The following GABRB2 variants were observed in gnomAD, a reference collection of about 807,000 sequenced individuals.
The protein encoded by GABRB2 is gamma-aminobutyric acid type A receptor subunit beta2.
Under a neutral mutation model 54.7 loss-of-function variants are expected in GABRB2, and 16 were observed. The ratio of observed to expected loss-of-function variants is 0.29; its 90% CI spans 0.20 to 0.44. GABRB2 has a LOEUF of 0.44. Ranked by LOEUF, GABRB2 falls within the 20% of genes least tolerant of loss-of-function variation. GABRB2 has a pLI of 1.00. For synonymous variants in GABRB2, 244 were observed against 233.8 expected, an observed-to-expected ratio of 1.04 and a Z score of -0.40; for missense variants, 355 against 644.0, an observed-to-expected ratio of 0.55 and a Z score of 4.86.
chr5:161,453,395 G>A (rs933848827), intron 4 of GABRB2, among the ~76,000 whole-genome samples: 2 of 152,210 alleles, frequency 1.3e-5, no homozygotes, highest in South Asian at 2.1e-4. Flanking sequence ...TGTAATGGTA[G>A]TGGGAGAAAG....
At chr5:161,493,439 T>C (rs1343499844) in intron 3 of GABRB2, among the ~76,000 whole-genome samples, 6 of 151,752 alleles carry the variant, frequency 4.0e-5, no homozygotes, top group East Asian at 1.9e-4. Flanking sequence ...CTAATCATTA[T>C]AGTTATTTCA....
intron 3 of GABRB2, among the ~76,000 whole-genome samples, chr5:161,504,364 C>T (rs577905757): frequency 6.6e-6 from 1 of 152,172 alleles, no homozygotes; most frequent in African/African-American, 2.4e-5. Flanking sequence ...TCTATGACAA[C>T]AACAGAATCA....
chr5:161,415,708 G>A (rs1290230540), intron 4 of GABRB2, among the ~76,000 whole-genome samples: 2 of 152,040 alleles, frequency 1.3e-5, no homozygotes, highest in Non-Finnish European at 2.9e-5. Flanking sequence ...CACCCACTGG[G>A]TTCAAGGGAT....
chr5:161,351,580 TA>T (rs1754471148), intron 5 of GABRB2, among the ~76,000 whole-genome samples: 1 of 152,004 alleles, frequency 6.6e-6, no homozygotes, highest in African/African-American at 2.4e-5. Context: ...ATGTAAGACC[TA>T]AAAATGTAAA....
intron 5 of GABRB2, among the ~76,000 whole-genome samples, chr5:161,398,654 T>TTTTG (rs999384645): frequency 3.5e-5 from 5 of 144,268 alleles, no homozygotes; most frequent in Admixed American, 6.7e-5. Context: ...GACACTGTTT[T>TTTTG]TTTGTTTGTT....
rs1310249709 is a variant in GABRB2 at position 161,290,902 on chromosome 5, G to A, written c.*3179C>T. 1 of 152,454 alleles carries A rather than the reference G, an allele frequency of 6.6e-6. No homozygotes were observed. The highest frequency in any genetic ancestry group is 1.5e-5 in the Non-Finnish European group (1 of 67,978). 9.4% of individuals were successfully genotyped at this position (152,454 alleles called of 1,614,324 possible). A position where few individuals can be genotyped will look rare whatever the true frequency, so the allele number is the denominator to read the frequency against. ...AGATTTTTTTGTGTGTGTTCCTAAT[G>A]CTAGAATGTAAAGTCTTTTGGTTCA... is the stretch of plus-strand genomic sequence containing the variant. On this transcript the variant is annotated 3_prime_UTR_variant, in exon 10 of 10. Coordinates refer to ENST00000393959, the MANE Select transcript of GABRB2 (RefSeq NM_001371727.1).
chr5:161,541,320 G>T (rs1760809087), intron 3 of GABRB2, among the ~76,000 whole-genome samples: 1 of 152,126 alleles, frequency 6.6e-6, no homozygotes. Flanking sequence ...AAGGGACCTA[G>T]GATTTGAGAC....
rs963232555 is a variant in GABRB2 at position 161,359,846 on chromosome 5, G to T, written c.542-23077C>A. Among the ~76,000 whole-genome samples, 3 of 152,276 alleles carry T rather than the reference G, an allele frequency of 2.0e-5. No homozygotes were observed. In the East Asian group the frequency reaches 5.8e-4, roughly 29 times the overall value. ...GCTTGTAATCCCAGCACTTTGGGAG[G>T]CTGAGGCAGGTAGATCACGAGGTCA... On this transcript the variant is annotated intron_variant, in intron 5 of 9. Transcript: ENST00000393959.
intron 5 of GABRB2, among the ~76,000 whole-genome samples, chr5:161,354,359 G>C (rs1268892014): frequency 6.6e-6 from 1 of 151,966 alleles, no homozygotes; most frequent in African/African-American, 2.4e-5. Context: ...TATATTCTTA[G>C]ATATGGGGTA....
intron 5 of GABRB2, among the ~76,000 whole-genome samples, chr5:161,356,933 T>TTTATTTAA (rs1246407996): frequency 6.6e-6 from 1 of 152,228 alleles, no homozygotes; most frequent in Non-Finnish European, 1.5e-5. Flanking sequence ...GTGCATCCTA[T>TTTATTTAA]GTGCCAGGCA....
chr5:161,505,297 A>T (rs1473679355), intron 3 of GABRB2, among the ~76,000 whole-genome samples: 3 of 151,770 alleles, frequency 2.0e-5, no homozygotes, highest in Non-Finnish European at 2.9e-5. Context: ...CGCCCGACAA[A>T]TTTTTGTATT....
At chr5:161,326,669 C>T (rs1758373181) in intron 8 of GABRB2, among the ~76,000 whole-genome samples, 188 bp from the exon 9 acceptor site, 1 of 151,874 alleles carries the variant, frequency 6.6e-6, no homozygotes, top group Admixed American at 6.6e-5. Context: ...CATCAAATTC[C>T]AAGCAGTAGA....
intron 5 of GABRB2, among the ~76,000 whole-genome samples, chr5:161,407,355 T>C (rs546884897): frequency 6.6e-6 from 1 of 152,260 alleles, no homozygotes; most frequent in Non-Finnish European, 1.5e-5. Flanking sequence ...GGATGGGACA[T>C]ATTAAGTGGC....
intron 5 of GABRB2, among the ~76,000 whole-genome samples, chr5:161,358,930 T>G (rs747426784): frequency 8.5e-5 from 13 of 152,200 alleles, no homozygotes; most frequent in Non-Finnish European, 1.9e-4. Context: ...GTGTGAGCAG[T>G]CACTGTCCTT....
chr5:161,504,132 C>A (rs1391580249), intron 3 of GABRB2, among the ~76,000 whole-genome samples: 1 of 152,026 alleles, frequency 6.6e-6, no homozygotes, highest in Non-Finnish European at 1.5e-5. Context: ...TATCTCTCAG[C>A]AGTTGATGAA....
intron 3 of GABRB2, among the ~76,000 whole-genome samples, chr5:161,494,842 A>T (rs1487143195): frequency 6.6e-6 from 1 of 151,874 alleles, no homozygotes; most frequent in African/African-American, 2.4e-5. Flanking sequence ...GAAGCATTTC[A>T]TCAACATTTG....
chr5:161,324,234 G>C (rs180721600), intron 9 of GABRB2, among the ~76,000 whole-genome samples: 49 of 152,116 alleles, frequency 3.2e-4, no homozygotes, highest in Non-Finnish European at 6.3e-4. Flanking sequence ...GTGAATAAAA[G>C]GCAATGTTGA....
chr5:161,413,322 T>G (rs1300001815), intron 4 of GABRB2, among the ~76,000 whole-genome samples: 3 of 152,170 alleles, frequency 2.0e-5, no homozygotes, highest in Non-Finnish European at 4.4e-5. Context: ...GTTCTTTTTA[T>G]ATTTTAACAA....
chr5:161,425,984 A>C lies in GABRB2; in HGVS notation c.459-14927T>G, dbSNP rs1487285837. 3.3e-5 allele frequency among the ~76,000 whole-genome samples: 5 copies of C among 152,288 alleles called. No individual in the cohort carries two copies. The South Asian group carries it at 6.2e-4, about 19-fold the overall frequency. ...TCTCACATGTTGACCCAGTAGTATT[A>C]CTTACAGTATTTCATCCAATGGAAG... On this transcript the variant is annotated intron_variant, in intron 4 of 9. Coordinates refer to ENST00000393959, the MANE Select transcript of GABRB2 (RefSeq NM_001371727.1).
Sources: allele counts gnomAD v4.1 joint callset (sites outside exome capture counted in the v4.1 genomes callset), GRCh38; gene constraint gnomAD v4.1.1; transcripts MANE v1.5; gene names NCBI Gene and HGNC (gene_info 2026-07-23, HGNC 2026-07-21).